The following SCRIB variants were observed in gnomAD, a reference collection of about 807,000 sequenced individuals.
The protein encoded by SCRIB is scribble planar cell polarity protein.
SCRIB carries 72 observed loss-of-function variants against 170.0 expected under a neutral mutation model. The ratio of observed to expected loss-of-function variants is 0.42; its 90% CI spans 0.35 to 0.52. The LOEUF is 0.52. Ranked by LOEUF, SCRIB falls within the 20% of genes least tolerant of loss-of-function variation. The pLI, the probability that SCRIB is intolerant of heterozygous loss-of-function variation, is 0.02. For synonymous variants in SCRIB, 1,298 were observed against 1,044.3 expected, an observed-to-expected ratio of 1.24 and a Z score of -4.68; for missense variants, 2,475 against 2,338.5, an observed-to-expected ratio of 1.06 and a Z score of -1.20.
In SCRIB at chr8:143,811,214, G is replaced by T. The variant is rs754831357; in HGVS notation, c.1038C>A (p.Arg346=). The part of the protein sequence containing the change: ...ALSVLSLRDN[R]LAVLPPELAH... ...CCAGCTCTGGTGGCAGGACGGCCAG[G>T]CGGTTGTCCCTCAAGGAGAGGACGC... The change falls in exon 10 of 37, where the codon CGC becomes CGA. Residue 346 remains arginine, a synonymous_variant. Coordinates refer to ENST00000356994, the MANE Select transcript of SCRIB (RefSeq NM_182706.5). 6.2e-7 allele frequency: 1 copy of T among 1,611,630 alleles called. No individual in the cohort carries two copies. The highest frequency in any genetic ancestry group is 1.7e-5 in the Admixed American group (1 of 59,856).
intron 30 of SCRIB, 22 bp downstream of exon 30, chr8:143,792,686 A>C: frequency 6.3e-7 from 1 of 1,587,548 alleles, no homozygotes; most frequent in Admixed American, 1.7e-5. Context: ...CCCAACCCCC[A>C]CCCCACTTCC....
At chr8:143,814,168 G>C (rs369017441) in intron 1 of SCRIB, 50 bp from the exon 2 acceptor site, 209 of 1,441,532 alleles carry the variant, frequency 1.4e-4, no homozygotes, top group Non-Finnish European at 1.9e-4. Context: ...CTGCAGAGCA[G>C]AGAAGAGCTC....
Position 143,815,685 on chromosome 8 carries a change from G to C in SCRIB, c.-313C>G. 1.0e-6 allele frequency: 1 copy of C among 982,752 alleles called. No homozygotes were observed. Among genetic ancestry groups the C allele is most frequent in the Non-Finnish European group, 1.2e-6 (1 of 829,014 alleles). The allele number at this position is 982,752 out of a possible 1,614,324, so 60.9% of individuals were successfully genotyped here. On this transcript the variant is annotated 5_prime_UTR_variant, in exon 1 of 37. Transcript: ENST00000356994. Reference sequence around the variant, plus strand: ...GCTCGTCCCGCCCGCTCGTCCGCCCGCTGTGCCGCACCGGAACCGCCGCTG... The same window carrying C: ...GCTCGTCCCGCCCGCTCGTCCGCCCCCTGTGCCGCACCGGAACCGCCGCTG...
chr8:143,812,862 G>C lies in SCRIB; in HGVS notation c.742C>G (p.Leu248Val), dbSNP rs757129814. ...CGCAGCAGGTTCTGGGACAGCAGCA[G>C]GTCAGTGAGCAGCACCAGCCCGCCG... ...ELGGLVLLTDLLLSQNLLRRL... is the reference protein window; with the variant it reads ...ELGGLVLLTDVLLSQNLLRRL... The change falls in exon 8 of 37, where the codon CTG becomes GTG. Residue 248 changes from leucine (L) to valine (V), a missense_variant. Leu to Val is a conservative substitution (Grantham distance 32). This residue lies in a region of SCRIB where 487 missense variants were observed against 558.1 expected (regional missense o/e 0.87). Coordinates refer to ENST00000356994, the MANE Select transcript of SCRIB (RefSeq NM_182706.5). 6.2e-7 allele frequency: 1 copy of C among 1,607,060 alleles called. No individual in the cohort carries two copies. Among genetic ancestry groups the C allele is most frequent in the Non-Finnish European group, 8.5e-7 (1 of 1,179,848 alleles).
chr8:143,795,668 G>A, intron 24 of SCRIB, 138 bp from the exon 25 acceptor site: 1 of 718,876 alleles, frequency 1.4e-6, no homozygotes, highest in Admixed American at 2.2e-5. Context: ...TGACCGCGTG[G>A]CTGGGGCAGC....
chr8:143,810,660 C>T (rs745379153), intron 12 of SCRIB, 26 bp downstream of exon 12: 15 of 1,602,256 alleles, frequency 9.4e-6, no homozygotes, highest in Admixed American at 3.4e-5. Flanking sequence ...GGCAGAGGTT[C>T]GCCCCCCAGA....
chr8:143,804,088 G>A lies in SCRIB; in HGVS notation c.3078C>T (p.Ser1026=). The A allele has an allele frequency of 3.7e-6, 6 of 1,612,720 alleles. No homozygotes were observed. The highest frequency in any genetic ancestry group is 5.1e-6 in the Non-Finnish European group (6 of 1,179,372). The change falls in exon 22 of 37, where the codon AGC becomes AGT. Residue 1026 remains serine, a synonymous_variant. Coordinates refer to ENST00000356994, the MANE Select transcript of SCRIB (RefSeq NM_182706.5). ...CAGGCTCCTGGACACCAAACGGGTG[G>A]CTGGAATGGTCGGAGCCTCCGACAA... ...LSIVGGSDHS[S]HPFGVQEPGV...
At chr8:143,807,665 C>T (rs376376128) in intron 15 of SCRIB, 51 bp from the exon 16 acceptor site, 2 of 1,382,292 alleles carry the variant, frequency 1.4e-6, no homozygotes, top group African/African-American at 1.4e-5. Flanking sequence ...GCCAAGACCA[C>T]CACCACCGCC....
rs776207015 is a variant in SCRIB, at chr8:143,808,937, G to A, written c.1787C>T (p.Pro596Leu). 10 of 1,612,484 alleles carry A rather than the reference G, an allele frequency of 6.2e-6. No homozygotes were observed. The Admixed American group carries it at 8.3e-5, about 13-fold the overall frequency. Residue 596 changes from proline (P) to leucine (L), a missense_variant, in exon 15 of 37, where the codon CCA becomes CTA. Transcript: ENST00000356994. Reference protein sequence around the residue: ...EGQPEAPWTLPGGRQRLIRKD... With the variant: ...EGQPEAPWTLLGGRQRLIRKD... Reference sequence around the variant, plus strand: ...GCGGATGAGCCGCTGCCTCCCGCCTGGCAGGGTCCAGGGGGCCTCAGGCTG... The same window carrying A: ...GCGGATGAGCCGCTGCCTCCCGCCTAGCAGGGTCCAGGGGGCCTCAGGCTG...
At position 143,814,070 on chromosome 8, in the gene SCRIB, C is replaced by T. The variant is rs763431069; in HGVS notation, c.208G>A (p.Glu70Lys). ...ACCTCGGGAGGCAACCGCTGGATCT[C>T]GTTGTCGCTCAGGCCCAGCTTGCGC... Reference protein sequence around the residue: ...NLRKLGLSDNEIQRLPPEVAN... With the variant: ...NLRKLGLSDNKIQRLPPEVAN... Residue 70 changes from glutamate (E) to lysine (K), a missense_variant, in exon 2 of 37, where the codon GAG becomes AAG. This residue lies in a region of SCRIB where 487 missense variants were observed against 558.1 expected (regional missense o/e 0.87). Coordinates refer to ENST00000356994, the MANE Select transcript of SCRIB (RefSeq NM_182706.5). 4 of 1,556,342 alleles carry T rather than the reference C, an allele frequency of 2.6e-6. No individual in the cohort carries two copies. The highest frequency in any genetic ancestry group is 3.9e-5 in the Admixed American group (2 of 51,816).
intron 24 of SCRIB, among the ~76,000 whole-genome samples, chr8:143,795,913 A>G (rs1554634022): frequency 1.3e-5 from 2 of 152,176 alleles, no homozygotes; most frequent in Non-Finnish European, 2.9e-5. Context: ...CTGATGGGGC[A>G]GAACGGCCCC....
rs1384682740 is a variant in SCRIB, at chr8:143,810,529, C to T, written c.1480G>A (p.Glu494Lys). 8 of 1,612,868 alleles carry T rather than the reference C, an allele frequency of 5.0e-6. No homozygotes were observed. Among genetic ancestry groups the T allele is most frequent in the South Asian group, 1.1e-5 (1 of 91,076 alleles). ...GAGTCTGGCTGGCAAGGGCAGGCCTCGCTCCGCCGCCCCTCGATGCTCCTC... is the reference window on the plus strand; with the variant it reads ...GAGTCTGGCTGGCAAGGGCAGGCCTTGCTCCGCCGCCCCTCGATGCTCCTC... ...MKRSIEGRRS[E>K]ACPCQPDSGS... is the part of the protein sequence containing the mutation. The change falls in exon 13 of 37, where the codon GAG becomes AAG. Residue 494 changes from glutamate (E) to lysine (K), a missense_variant. Around this residue, in one of 3 missense-constraint regions of SCRIB, gnomAD observed 1,966 missense variants for 1,742.9 expected, o/e 1.13. Coordinates refer to ENST00000356994, the MANE Select transcript of SCRIB (RefSeq NM_182706.5).
In SCRIB at chr8:143,792,205, C is replaced by T. The variant is rs1554632938; in HGVS notation, c.4514+15G>A. ...AGGCAGCAGGGCGGGGTGGCGACCC[C>T]ACACAGGGGCTCACCTGGCTGCCCT... is the stretch of plus-strand genomic sequence containing the variant. On this transcript the variant is annotated intron_variant, in intron 32 of 36. Coordinates refer to ENST00000356994, the MANE Select transcript of SCRIB (RefSeq NM_182706.5). 1 of 1,554,310 alleles carries T rather than the reference C, an allele frequency of 6.4e-7. No homozygotes were observed. Among genetic ancestry groups the T allele is most frequent in the Admixed American group, 1.8e-5 (1 of 54,188 alleles).
chr8:143,795,515 T>C lies in SCRIB; in HGVS notation c.3619A>G (p.Ile1207Val). ...DAALEVSPGV[I>V]ANPFAAGIGH... is the part of the protein sequence containing the mutation. ...ATGCCTGCCGCAAAGGGGTTGGCAA[T>C]GACACCTGGGGACACCTGAGAAGAG... The change falls in exon 25 of 37, where the codon ATT becomes GTT. Residue 1207 changes from isoleucine (I) to valine (V), a missense_variant. Coordinates refer to ENST00000356994, the MANE Select transcript of SCRIB (RefSeq NM_182706.5). 6.2e-7 allele frequency: 1 copy of C among 1,612,504 alleles called. No homozygotes were observed. The highest frequency in any genetic ancestry group is 8.5e-7 in the Non-Finnish European group (1 of 1,179,406).
chr8:143,794,952 C>G, intron 27 of SCRIB, 86 bp downstream of exon 27: 1 of 1,375,546 alleles, frequency 7.3e-7, no homozygotes, highest in Non-Finnish European at 1.0e-6. Flanking sequence ...AGGTTCCCTC[C>G]CGGATGGCCC....
chr8:143,801,305 T>C (rs1396474976), intron 24 of SCRIB, among the ~76,000 whole-genome samples: 2 of 152,064 alleles, frequency 1.3e-5, no homozygotes, highest in African/African-American at 4.8e-5. Flanking sequence ...GAGCTGTGAT[T>C]GTGTCACCAC....
chr8:143,813,980 G>A (rs1815890905), intron 2 of SCRIB, 21 bp downstream of exon 2: 4 of 1,399,196 alleles, frequency 2.9e-6, no homozygotes, highest in East Asian at 2.4e-5. Flanking sequence ...ACCCCACCCA[G>A]CCCCTGCCCA....
At position 143,813,406 on chromosome 8, in the gene SCRIB, C is replaced by T. The variant is rs79371938; in HGVS notation, c.504-32G>A. 9.9e-5 allele frequency: 159 copies of T among 1,613,200 alleles called. No individual in the cohort carries two copies. In the African/African-American group the frequency reaches 1.3e-3, roughly 13 times the overall value. ...AGGAAGCAGGGTGGAGGTGTGGCCA[C>T]GCAGCCCTGGTCCCTGGGCTGTGGC... On this transcript the variant is annotated intron_variant, in intron 5 of 36. Coordinates refer to ENST00000356994, the MANE Select transcript of SCRIB (RefSeq NM_182706.5).
At chr8:143,804,231 C>G in intron 21 of SCRIB, 75 bp from the exon 22 acceptor site, 1 of 1,119,276 alleles carries the variant, frequency 8.9e-7, no homozygotes, top group Non-Finnish European at 1.3e-6. Context: ...CCCAAGAGTC[C>G]GTCCCGGTCC....
Sources: allele counts gnomAD v4.1 joint callset (sites outside exome capture counted in the v4.1 genomes callset), GRCh38; gene constraint gnomAD v4.1.1; regional missense constraint gnomAD v4.1.1; transcripts MANE v1.5; gene names NCBI Gene and HGNC (gene_info 2026-07-23, HGNC 2026-07-21).